The following SH3RF3 variants were observed in gnomAD, a reference collection of about 807,000 sequenced individuals.
SH3RF3 encodes the protein E3 ubiquitin-protein ligase SH3RF3.
SH3RF3 carries 29 observed loss-of-function variants against 66.3 expected under a neutral mutation model. The ratio of observed to expected loss-of-function variants is 0.44; its 90% CI spans 0.33 to 0.60. The LOEUF (loss-of-function observed/expected upper bound fraction) is 0.60. Ranked by LOEUF, SH3RF3 falls within the 20% of genes least tolerant of loss-of-function variation. The pLI is 0.04. For synonymous variants in SH3RF3, 583 were observed against 532.0 expected (o/e 1.10, Z -1.32); for missense variants, 1,194 against 1,190.9 (o/e 1.00, Z -0.04).
At chr2:109,184,189 C>T (rs1259682395) in intron 1 of SH3RF3, among the ~76,000 whole-genome samples, 1 of 152,168 alleles carries the variant, frequency 6.6e-6, no homozygotes, top group Non-Finnish European at 1.5e-5. Flanking sequence ...AAATCCATAT[C>T]TCCTCCCAGG....
chr2:109,382,442 C>G (rs4305306), intron 3 of SH3RF3, among the ~76,000 whole-genome samples: 10,822 of 152,202 alleles, frequency 0.071, 975 homozygotes, highest in African/African-American at 0.21. Context: ...CAGCAGCCCA[C>G]CTCCTGACCC....
At chr2:109,347,177 G>A (rs888174287) in intron 1 of SH3RF3, among the ~76,000 whole-genome samples, 8 of 152,228 alleles carry the variant, frequency 5.3e-5, no homozygotes, top group Non-Finnish European at 7.3e-5. Context: ...CTTGCTAGAA[G>A]TCTGGCAGCT....
intron 1 of SH3RF3, among the ~76,000 whole-genome samples, chr2:109,276,098 C>G (rs1035397729): frequency 6.6e-6 from 1 of 152,102 alleles, no homozygotes; most frequent in African/African-American, 2.4e-5. Flanking sequence ...GAAGGGGGAT[C>G]TCGGACCCAG....
intron 9 of SH3RF3, among the ~76,000 whole-genome samples, chr2:109,491,678 G>A (rs1573295373): frequency 6.6e-6 from 1 of 152,176 alleles, no homozygotes; most frequent in African/African-American, 2.4e-5. Flanking sequence ...GGGCTCTCAG[G>A]TAAAAGCTGG....
intron 1 of SH3RF3, among the ~76,000 whole-genome samples, chr2:109,160,568 G>T (rs762317668): frequency 3.3e-5 from 5 of 152,170 alleles, no homozygotes; most frequent in Non-Finnish European, 5.9e-5. Context: ...TCTGATTCTA[G>T]CAGTAACTCC....
intron 1 of SH3RF3, among the ~76,000 whole-genome samples, chr2:109,279,101 G>A (rs923827338): frequency 2.0e-5 from 3 of 152,184 alleles, no homozygotes; most frequent in African/African-American, 7.2e-5. Context: ...TTAATTTTAT[G>A]GCAAATCCAC....
Position 109,155,761 on chromosome 2 carries a change from A to G in SH3RF3, c.573+25648A>G, listed in dbSNP as rs1413094453. ...AAAAGGGAGTTCCCACATCCTGCCAATGTTGATCATAGCACACGTGCTGGT... is the reference window on the plus strand; with the variant it reads ...AAAAGGGAGTTCCCACATCCTGCCAGTGTTGATCATAGCACACGTGCTGGT... On this transcript the variant is annotated intron_variant, in intron 1 of 9. Transcript: ENST00000309415. 3.9e-5 allele frequency among the ~76,000 whole-genome samples: 6 copies of G among 152,346 alleles called. No homozygotes were observed. In the South Asian group the frequency reaches 8.3e-4, roughly 21 times the overall value.
At chr2:109,157,761 G>A (rs1363073218) in intron 1 of SH3RF3, among the ~76,000 whole-genome samples, 1 of 152,156 alleles carries the variant, frequency 6.6e-6, no homozygotes, top group Non-Finnish European at 1.5e-5. Context: ...GTCATCAACA[G>A]GGACTTTGCC....
At chr2:109,191,726 C>T (rs969327867) in intron 1 of SH3RF3, among the ~76,000 whole-genome samples, 26 of 152,082 alleles carry the variant, frequency 1.7e-4, no homozygotes, top group Non-Finnish European at 3.1e-4. Context: ...GGTGCTGATG[C>T]GAGGGGAAGC....
At chr2:109,371,463 C>T (rs1683269097) in intron 2 of SH3RF3, 123 bp from the exon 3 acceptor site, 1 of 708,380 alleles carries the variant, frequency 1.4e-6, no homozygotes, top group Non-Finnish European at 2.5e-6. Context: ...GGATAATGCA[C>T]TCTTCTTGAA....
chr2:109,217,275 T>C (rs1679120023), intron 1 of SH3RF3, among the ~76,000 whole-genome samples: 1 of 152,208 alleles, frequency 6.6e-6, no homozygotes, highest in Non-Finnish European at 1.5e-5. Context: ...GGGTATCTTT[T>C]ATTATGGTTT....
At chr2:109,461,367 C>T (rs1678204757) in intron 8 of SH3RF3, among the ~76,000 whole-genome samples, 1 of 152,336 alleles carries the variant, frequency 6.6e-6, no homozygotes, top group African/African-American at 2.4e-5. Flanking sequence ...GAGGCTTGCT[C>T]CAAAATCCTA....
At chr2:109,183,758 G>C (rs528842539) in intron 1 of SH3RF3, among the ~76,000 whole-genome samples, 1 of 152,306 alleles carries the variant, frequency 6.6e-6, no homozygotes, top group South Asian at 2.1e-4. Context: ...GCTCGGTCAG[G>C]TCAGGAATTA....
chr2:109,398,594 A>C lies in SH3RF3; in HGVS notation c.950A>C (p.Asn317Thr). The C allele has an allele frequency of 2.6e-6, 4 of 1,560,416 alleles. No homozygotes were observed. The highest frequency in any genetic ancestry group is 3.5e-6 in the Non-Finnish European group (4 of 1,154,080). Residue 317 changes from asparagine (N) to threonine (T), a missense_variant, in exon 4 of 10, where the codon AAT becomes ACT. By Grantham distance (65) the Asn-to-Thr change is moderately conservative (BLOSUM62 0). Transcript: ENST00000309415. ...GIFPLLYVEL[N>T]DSAKQLIEMD... Reference sequence around the variant, plus strand: ...CCTCTCCCCTTTCTCACTCAGCTCAATGACTCCGCCAAGCAGCTCATTGAG... The same window carrying C: ...CCTCTCCCCTTTCTCACTCAGCTCACTGACTCCGCCAAGCAGCTCATTGAG...
At chr2:109,172,334 C>A (rs1259900564) in intron 1 of SH3RF3, among the ~76,000 whole-genome samples, 1 of 152,252 alleles carries the variant, frequency 6.6e-6, no homozygotes, top group Non-Finnish European at 1.5e-5. Flanking sequence ...TGGAAATGCG[C>A]GAGCCAGCGG....
intron 1 of SH3RF3, among the ~76,000 whole-genome samples, chr2:109,203,388 G>A (rs922814226): frequency 6.6e-6 from 1 of 152,232 alleles, no homozygotes; most frequent in African/African-American, 2.4e-5. Flanking sequence ...GGCCTTGGGA[G>A]GGTGTTTCCG....
At chr2:109,235,104 A>C (rs905600019) in intron 1 of SH3RF3, among the ~76,000 whole-genome samples, 3 of 152,204 alleles carry the variant, frequency 2.0e-5, no homozygotes, top group Non-Finnish European at 4.4e-5. Flanking sequence ...CAGAGCAATA[A>C]GCAGTACGGT....
rs545322938 is a variant in SH3RF3 at position 109,456,651 on chromosome 2, G to A, written c.2148+7162G>A. Among the ~76,000 whole-genome samples, 5 of 152,308 alleles carry A rather than the reference G, an allele frequency of 3.3e-5. No homozygotes were observed. In the South Asian group the frequency reaches 6.2e-4, roughly 19 times the overall value. On this transcript the variant is annotated intron_variant, in intron 8 of 9. Transcript: ENST00000309415. ...TCCCCAGTTCTCCTGTAGAAACTCC[G>A]TGGCCTCTGCATTGGGATGAGACTT...
chr2:109,203,271 G>C (rs1478008362), intron 1 of SH3RF3, among the ~76,000 whole-genome samples: 1 of 152,228 alleles, frequency 6.6e-6, no homozygotes, highest in East Asian at 1.9e-4. Context: ...AGGCTGTGTG[G>C]CTGTAATTAA....
Sources: allele counts gnomAD v4.1 joint callset (sites outside exome capture counted in the v4.1 genomes callset), GRCh38; gene constraint gnomAD v4.1.1; transcripts MANE v1.5; gene names NCBI Gene and HGNC (gene_info 2026-07-23, HGNC 2026-07-21).